Variants in ROBO2 observed in about 807,000 individuals in gnomAD.
ROBO2 encodes roundabout homolog 2.
A neutral mutation model predicts 160.8 loss-of-function variants in ROBO2; 53 were observed. The observed-to-expected ratio is 0.33, with a 90% CI of 0.26 to 0.41. The LOEUF (loss-of-function observed/expected upper bound fraction) is 0.41. ROBO2 is among the 10% of genes least tolerant of loss of function. The pLI, the probability that ROBO2 is intolerant of heterozygous loss-of-function variation, is 1.00. For synonymous variants in ROBO2, 664 were observed against 611.7 expected, an observed-to-expected ratio of 1.09 and a Z score of -1.26; for missense variants, 1,577 against 1,722.4, an observed-to-expected ratio of 0.92 and a Z score of 1.49.
chr3:76,266,735 AG>A, intron 2 of ROBO2, among the ~76,000 whole-genome samples: 1 of 152,222 alleles, frequency 6.6e-6, no homozygotes, highest in Non-Finnish European at 1.5e-5. Flanking sequence ...CTGCCATCTG[AG>A]TTATCTTAAA....
chr3:76,333,552 T>C (rs949245604), intron 2 of ROBO2, among the ~76,000 whole-genome samples: 1 of 152,190 alleles, frequency 6.6e-6, no homozygotes, highest in Non-Finnish European at 1.5e-5. Flanking sequence ...GTTGCTGATC[T>C]TAAGGAGCCT....
intron 2 of ROBO2, among the ~76,000 whole-genome samples, chr3:76,632,831 A>G (rs1174691456): frequency 2.0e-5 from 3 of 152,236 alleles, no homozygotes; most frequent in Admixed American, 6.5e-5. Context: ...AGAATGATCC[A>G]TCTCCTCATA....
intron 2 of ROBO2, among the ~76,000 whole-genome samples, chr3:77,388,134 T>TCA (rs2074327561): frequency 7.4e-6 from 1 of 134,914 alleles, no homozygotes; most frequent in Admixed American, 7.7e-5. Flanking sequence ...TCTCATAGAT[T>TCA]CACACATACA....
chr3:76,285,480 T>G (rs531342613), intron 2 of ROBO2, among the ~76,000 whole-genome samples: 15 of 152,100 alleles, frequency 9.9e-5, no homozygotes, highest in African/African-American at 3.6e-4. Context: ...AGTCAAAAAT[T>G]TAATATATTT....
intron 2 of ROBO2, among the ~76,000 whole-genome samples, chr3:76,836,050 A>G (rs1238649756): frequency 6.6e-6 from 1 of 152,024 alleles, no homozygotes; most frequent in Admixed American, 6.6e-5. Flanking sequence ...ATGATACCAT[A>G]TGAGGATTTA....
chr3:76,383,691 C>T (rs911349459), intron 2 of ROBO2, among the ~76,000 whole-genome samples: 3 of 151,714 alleles, frequency 2.0e-5, no homozygotes, highest in African/African-American at 7.3e-5. Flanking sequence ...GTTCAGATAA[C>T]TTTATGGTGG....
At chr3:76,310,176 G>A (rs1218925049) in intron 2 of ROBO2, among the ~76,000 whole-genome samples, 1 of 152,162 alleles carries the variant, frequency 6.6e-6, no homozygotes, top group Non-Finnish European at 1.5e-5. Context: ...TCTTCATCCA[G>A]GGGCACTGTC....
At chr3:76,758,292 T>C (rs533614766) in intron 2 of ROBO2, among the ~76,000 whole-genome samples, 2 of 151,728 alleles carry the variant, frequency 1.3e-5, no homozygotes, top group Non-Finnish European at 2.9e-5. Context: ...ACAAAGACTA[T>C]TGGGAAAAGA....
intron 2 of ROBO2, among the ~76,000 whole-genome samples, chr3:76,222,407 T>C (rs776859846): frequency 6.6e-6 from 1 of 152,170 alleles, no homozygotes; most frequent in African/African-American, 2.4e-5. Context: ...AAGACAAGTG[T>C]ACATGTTGAC....
intron 2 of ROBO2, among the ~76,000 whole-genome samples, chr3:76,955,834 AGGAGAATCCCTT>A (rs1261764424): frequency 6.6e-6 from 1 of 151,190 alleles, no homozygotes. Context: ...AGGCTGAAGC[AGGAGAATCCCTT>A]GAACCCGGGA....
chr3:76,780,194 T>A (rs1012298306), intron 2 of ROBO2, among the ~76,000 whole-genome samples: 1 of 150,870 alleles, frequency 6.6e-6, no homozygotes, highest in Non-Finnish European at 1.5e-5. Context: ...GACAGTTTTT[T>A]TTTTGTTTGT....
At chr3:76,208,729 C>G in intron 2 of ROBO2, among the ~76,000 whole-genome samples, 1 of 152,236 alleles carries the variant, frequency 6.6e-6, no homozygotes, top group South Asian at 2.1e-4. Context: ...CCCTTAGATA[C>G]GATTTGTACC....
chr3:77,007,072 G>A (rs1232158702), intron 2 of ROBO2, among the ~76,000 whole-genome samples: 1 of 152,080 alleles, frequency 6.6e-6, no homozygotes, highest in Non-Finnish European at 1.5e-5. Flanking sequence ...CAACAGAGAA[G>A]ACTCTTATGA....
intron 2 of ROBO2, among the ~76,000 whole-genome samples, chr3:76,217,582 C>A (rs996904573): frequency 6.6e-6 from 1 of 152,166 alleles, no homozygotes; most frequent in East Asian, 1.9e-4. Flanking sequence ...ATAAATTCCT[C>A]GAAACATACA....
At chr3:77,302,494 A>G (rs1030115888) in intron 2 of ROBO2, among the ~76,000 whole-genome samples, 1 of 152,096 alleles carries the variant, frequency 6.6e-6, no homozygotes, top group African/African-American at 2.4e-5. Context: ...CTCAGCAAAT[A>G]AGATCATTAA....
chr3:77,055,831 A>C (rs2065687653), intron 1 of ROBO2, among the ~76,000 whole-genome samples: 1 of 152,240 alleles, frequency 6.6e-6, no homozygotes, highest in Admixed American at 6.5e-5. Flanking sequence ...AAGTTTTAAA[A>C]GTAAAATTAA....
At chr3:76,938,365 C>G (rs1052957712) in intron 2 of ROBO2, among the ~76,000 whole-genome samples, 4 of 147,922 alleles carry the variant, frequency 2.7e-5, no homozygotes, top group East Asian at 4.1e-4. Context: ...ACCTACCCCC[C>G]CCAAAAAAGG....
intron 2 of ROBO2, among the ~76,000 whole-genome samples, chr3:76,887,167 G>A (rs1237083035): frequency 6.8e-5 from 10 of 147,094 alleles, no homozygotes; most frequent in African/African-American, 2.5e-4. Context: ...TTACTAGTGA[G>A]ATTGCCCTGC....
intron 2 of ROBO2, among the ~76,000 whole-genome samples, chr3:76,388,446 T>C (rs1038117653): frequency 6.6e-6 from 1 of 152,086 alleles, no homozygotes; most frequent in African/African-American, 2.4e-5. Context: ...TAATTTTTTG[T>C]ATTTTTAGTA....
Sources: gnomAD v4.1 joint callset for allele counts (sites outside exome capture counted in the v4.1 genomes callset) on GRCh38, gnomAD v4.1.1 for gene constraint, MANE v1.5 for transcripts, NCBI Gene and HGNC (gene_info 2026-07-23, HGNC 2026-07-21) for gene names.